Variants in BICD1 observed in about 807,000 individuals in gnomAD.
BICD1 encodes the protein protein bicaudal D homolog 1.
Under a neutral mutation model 92.5 loss-of-function variants are expected in BICD1, and 35 were observed. That is an observed-to-expected ratio of 0.38 (90% CI 0.29 to 0.50). The LOEUF (loss-of-function observed/expected upper bound fraction) is 0.50. Ranked by LOEUF, BICD1 falls within the 20% of genes least tolerant of loss-of-function variation. BICD1 has a pLI of 0.93. For missense variants in BICD1, 950 were observed against 1,189.8 expected, an observed-to-expected ratio of 0.80 and a Z score of 2.97; for synonymous variants, 429 against 465.1, an observed-to-expected ratio of 0.92 and a Z score of 1.00.
chr12:32,243,352 G>T (rs551759771), intron 2 of BICD1, among the ~76,000 whole-genome samples: 1 of 147,290 alleles, frequency 6.8e-6, no homozygotes, highest in Non-Finnish European at 1.5e-5. Flanking sequence ...GAGCTCAAGC[G>T]GTCTGCCTGC....
At chr12:32,312,088 A>T (rs1338578469) in intron 4 of BICD1, among the ~76,000 whole-genome samples, 2 of 152,196 alleles carry the variant, frequency 1.3e-5, no homozygotes, top group Non-Finnish European at 2.9e-5. Flanking sequence ...TGCCTTAATT[A>T]TCAGGAATGT....
rs558331510 is a variant in BICD1, at chr12:32,354,691, C to G, written c.2765-12979C>G. 9.1e-4 allele frequency among the ~76,000 whole-genome samples: 138 copies of G among 152,284 alleles called. 1 individual carries two copies. The Middle Eastern group carries it at 0.01, about 11-fold the overall frequency. On this transcript the variant is annotated intron_variant, in intron 8 of 9. Transcript: ENST00000652176. ...GTGAAAAGGGATGAGATAGCCAACT[C>G]TATGTGTTTGATTATAAAATGCTGA...
intron 3 of BICD1, among the ~76,000 whole-genome samples, chr12:32,298,025 C>A (rs1399471914): frequency 6.6e-6 from 1 of 151,108 alleles, no homozygotes; most frequent in Non-Finnish European, 1.5e-5. Context: ...CTACCAACAA[C>A]AAAAAAAATT....
intron 2 of BICD1, among the ~76,000 whole-genome samples, chr12:32,271,825 T>C (rs1485304284): frequency 6.6e-6 from 1 of 152,220 alleles, no homozygotes; most frequent in Non-Finnish European, 1.5e-5. Context: ...TCTCTTTGCA[T>C]ATTTTATTGT....
chr12:32,313,433 G>T lies in BICD1; in HGVS notation c.1005+7311G>T, dbSNP rs1948428438. ...TTATTATCTTCATATTATAGATAGG[G>T]AAACTGAGGCATGACTGTGTTATGT... On this transcript the variant is annotated intron_variant, in intron 4 of 9. Coordinates refer to ENST00000652176, the MANE Select transcript of BICD1 (RefSeq NM_001714.4). The surrounding 1 kb of genome is among the most constrained non-coding windows in gnomAD (Gnocchi z 4.2). Among the ~76,000 whole-genome samples, 1 of 152,126 alleles carries T rather than the reference G, an allele frequency of 6.6e-6. No individual in the cohort carries two copies. The highest frequency in any genetic ancestry group is 1.5e-5 in the Non-Finnish European group (1 of 68,016).
chr12:32,292,750 C>T (rs1028739268), intron 2 of BICD1, among the ~76,000 whole-genome samples: 2 of 152,108 alleles, frequency 1.3e-5, no homozygotes, highest in Admixed American at 6.6e-5. Flanking sequence ...TTCTATGATA[C>T]TTCTTCCCAT....
At chr12:32,285,149 T>C (rs1168226554) in intron 2 of BICD1, among the ~76,000 whole-genome samples, 3 of 152,196 alleles carry the variant, frequency 2.0e-5, no homozygotes, top group African/African-American at 7.2e-5. Context: ...AGTTAACCTT[T>C]ACTTTTCCTT....
At chr12:32,261,907 G>A (rs74072028) in intron 2 of BICD1, among the ~76,000 whole-genome samples, 15,338 of 152,204 alleles carry the variant, frequency 0.1, 1,117 homozygotes, top group East Asian at 0.2. Flanking sequence ...GGCCATGTTT[G>A]TGAGTCCAGG....
intron 2 of BICD1, among the ~76,000 whole-genome samples, chr12:32,240,087 C>T (rs1426914356): frequency 1.3e-5 from 2 of 152,144 alleles, no homozygotes; most frequent in Non-Finnish European, 2.9e-5. Context: ...TGTAATATCT[C>T]CAAGATATGC....
rs937148642 is a variant in BICD1, at chr12:32,328,905, C to T, written c.2100+350C>T. On this transcript the variant is annotated intron_variant, in intron 5 of 9. Coordinates refer to ENST00000652176, the MANE Select transcript of BICD1 (RefSeq NM_001714.4). The surrounding 1 kb of genome is among the most constrained non-coding windows in gnomAD (Gnocchi z 4.4). ...AGGAGATGGAGGGTGGCAGAATAGG[C>T]TGGCAAGGCAGGTTACACCAACCAG... Among the ~76,000 whole-genome samples the T allele has an allele frequency of 2.0e-5, 3 of 151,924 alleles. No homozygotes were observed. The highest frequency in any genetic ancestry group is 6.6e-5 in the Admixed American group (1 of 15,252).
chr12:32,215,165 G>A (rs561983406), intron 1 of BICD1, among the ~76,000 whole-genome samples: 40 of 152,232 alleles, frequency 2.6e-4, no homozygotes, highest in Non-Finnish European at 5.0e-4. Context: ...GGAGGCAGAG[G>A]TTGCAGTGAG....
At chr12:32,192,096 G>A (rs934897919) in intron 1 of BICD1, among the ~76,000 whole-genome samples, 14 of 152,218 alleles carry the variant, frequency 9.2e-5, no homozygotes, top group Middle Eastern at 3.4e-3. Context: ...GCCAAGAAAC[G>A]TTCTTGAAGG....
chr12:32,357,507 T>C (rs1369365861), intron 8 of BICD1, among the ~76,000 whole-genome samples: 1 of 152,200 alleles, frequency 6.6e-6, no homozygotes, highest in African/African-American at 2.4e-5. Flanking sequence ...CACTAACTGC[T>C]TCTACTTTGG....
intron 1 of BICD1, among the ~76,000 whole-genome samples, chr12:32,141,280 G>A (rs1406814086): frequency 1.3e-5 from 2 of 151,978 alleles, no homozygotes; most frequent in Non-Finnish European, 2.9e-5. Context: ...AATTATTCAA[G>A]GCCTTGTTAT....
At position 32,221,043 on chromosome 12, in the gene BICD1, A is replaced by G. The variant is rs371998105; in HGVS notation, c.426+4584A>G. ...CTCACTCATAGGTGGGAATTGAACA[A>G]TGAGAACACATGGACACAGGAAGGG... On this transcript the variant is annotated intron_variant, in intron 2 of 9. Coordinates refer to ENST00000652176, the MANE Select transcript of BICD1 (RefSeq NM_001714.4). 5.2e-4 allele frequency among the ~76,000 whole-genome samples: 73 copies of G among 140,334 alleles called. No individual in the cohort carries two copies. The East Asian group carries it at 0.014, about 27-fold the overall frequency. The allele number at this position is 140,334 out of a possible 152,430, so 92.1% of individuals were successfully genotyped here.
At chr12:32,160,696 G>A (rs1943572086) in intron 1 of BICD1, among the ~76,000 whole-genome samples, 1 of 152,108 alleles carries the variant, frequency 6.6e-6, no homozygotes, top group South Asian at 2.1e-4. Flanking sequence ...ATTCATTCAT[G>A]CAGCAATTTA....
At chr12:32,160,241 C>T (rs377672291) in intron 1 of BICD1, among the ~76,000 whole-genome samples, 1 of 152,198 alleles carries the variant, frequency 6.6e-6, no homozygotes, top group East Asian at 1.9e-4. Context: ...CAGGCAGCCT[C>T]GGCTAATCCC....
At chr12:32,285,216 G>T (rs1289124692) in intron 2 of BICD1, among the ~76,000 whole-genome samples, 1 of 152,170 alleles carries the variant, frequency 6.6e-6, no homozygotes, top group East Asian at 1.9e-4. Flanking sequence ...TCACCCAGGG[G>T]TAATCAATTG....
intron 1 of BICD1, among the ~76,000 whole-genome samples, chr12:32,190,037 A>G (rs1944523268): frequency 6.6e-6 from 1 of 152,132 alleles, no homozygotes; most frequent in Admixed American, 6.6e-5. Context: ...TTGAGTTGTT[A>G]CCAGTTTAAA....
Sources: gnomAD v4.1 joint callset for allele counts (sites outside exome capture counted in the v4.1 genomes callset) on GRCh38, gnomAD v4.1.1 for gene constraint, Gnocchi (gnomAD v3.1) non-coding constraint, MANE v1.5 for transcripts, NCBI Gene and HGNC (gene_info 2026-07-23, HGNC 2026-07-21) for gene names.